ANAPC15: variants seen among roughly 807,000 people sequenced by gnomAD.
ANAPC15 encodes anaphase promoting complex subunit 15.
A neutral mutation model predicts 19.8 loss-of-function variants in ANAPC15; 13 were observed. That is an observed-to-expected ratio of 0.66 (90% confidence interval 0.43 to 1.04). The LOEUF (loss-of-function observed/expected upper bound fraction) is 1.04, where lower values mean the gene tolerates loss of function less well. Among genes scored for constraint, ANAPC15 ranks in the 50% least tolerant of loss-of-function variants. The pLI is 0.00. For missense variants in ANAPC15, 88 were observed against 150.3 expected, an observed-to-expected ratio of 0.59 and a Z score of 2.17; for synonymous variants, 45 against 50.7, an observed-to-expected ratio of 0.89 and a Z score of 0.47.
chr11:72,108,572 C>T (rs901723602), downstream of ANAPC15: 14 of 1,435,148 alleles, frequency 9.8e-6, no homozygotes, highest in Non-Finnish European at 1.3e-5. Context: ...CAATTCCCCC[C>T]ACCCTCACCT....
In ANAPC15 at chr11:72,111,189, GCT is replaced by G; in HGVS notation, c.86_87del (p.Glu29AlafsTer34). On this transcript the variant is annotated frameshift_variant, in exon 3 of 6. Coordinates refer to ENST00000227618, the MANE Select transcript of ANAPC15 (RefSeq NM_014042.3). LOFTEE classifies it high-confidence loss of function. ...TGATGCTGCTGTTCCTGCTGCTGCAGCTCTGTCTCTTCCACACAGGGTCGATC... is the reference window on the plus strand; with the variant it reads ...TGATGCTGCTGTTCCTGCTGCTGCAGCTGTCTCTTCCACACAGGGTCGATC... ...NLDRPCVEET[E>X]LQQQEQQHQA... The G allele has an allele frequency of 6.2e-7, 1 of 1,612,876 alleles. No homozygotes were observed. Among genetic ancestry groups the G allele is most frequent in the East Asian group, 2.2e-5 (1 of 44,886 alleles).
chr11:72,110,079 C>G lies in ANAPC15; in HGVS notation c.318+9G>C. ...GGAACAGAGGCCCTCCCCCATACCC[C>G]TTGCCTACCTCATTGACCTCTCCAT... On this transcript the variant is annotated intron_variant, in intron 5 of 5. Transcript: ENST00000227618. 4 of 1,614,180 alleles carry G rather than the reference C, an allele frequency of 2.5e-6. No homozygotes were observed. Among genetic ancestry groups the G allele is most frequent in the Non-Finnish European group, 3.4e-6 (4 of 1,180,028 alleles).
downstream of ANAPC15, chr11:72,107,798 A>G: frequency 7.8e-6 from 8 of 1,024,592 alleles, no homozygotes; most frequent in Non-Finnish European, 1.0e-5. Context: ...GCTATGGTAC[A>G]AGAGACAGAT....
chr11:72,107,157 C>T, downstream of ANAPC15: 1 of 425,522 alleles, frequency 2.4e-6, no homozygotes, highest in Non-Finnish European at 4.2e-6. Context: ...GTTCCAGCTA[C>T]TGGAAATGCT....
downstream of ANAPC15, chr11:72,108,808 C>T: frequency 6.4e-7 from 1 of 1,550,718 alleles, no homozygotes; most frequent in Non-Finnish European, 8.7e-7. Flanking sequence ...CACCCCGCTT[C>T]TTGCAGTATG....
In ANAPC15 at chr11:72,109,851, A is replaced by C. The variant is rs376501947; in HGVS notation, c.*30T>G. On this transcript the variant is annotated 3_prime_UTR_variant, in exon 6 of 6. Transcript: ENST00000227618. Reference sequence around the variant, plus strand: ...GCAGGGTAGTTTGGGCTGGCCTGGAATCTCCCTGAGGCCACCCTGCCTTGT... The same window carrying C: ...GCAGGGTAGTTTGGGCTGGCCTGGACTCTCCCTGAGGCCACCCTGCCTTGT... 2.5e-6 allele frequency: 4 copies of C among 1,612,204 alleles called. No individual in the cohort carries two copies. The African/African-American group carries it at 5.3e-5, about 22-fold the overall frequency.
chr11:72,106,582 A>C (rs190770810), downstream of ANAPC15: 555 of 168,432 alleles, frequency 3.3e-3, 4 homozygotes, highest in African/African-American at 0.013. Flanking sequence ...AGGCTTCCAC[A>C]TACCATTTAG....
downstream of ANAPC15, chr11:72,107,211 G>T: frequency 1.8e-6 from 1 of 546,798 alleles, no homozygotes; most frequent in South Asian, 2.3e-5. Flanking sequence ...AGGCTGCAGT[G>T]AGCCGTGATC....
chr11:72,106,398 C>T, downstream of ANAPC15: 3 of 609,042 alleles, frequency 4.9e-6, no homozygotes, highest in Non-Finnish European at 5.2e-6. Flanking sequence ...TTATTGCCAC[C>T]TCTTTTGTAT....
Position 72,111,394 on chromosome 11 carries a change from C to A in ANAPC15, c.-11+18G>T, listed in dbSNP as rs939819640. The A allele has an allele frequency of 4.2e-5, 35 of 836,430 alleles. No homozygotes were observed. The African/African-American group carries it at 5.5e-4, about 13-fold the overall frequency. The allele number at this position is 836,430 out of a possible 1,614,324, so 51.8% of individuals were successfully genotyped here. On this transcript the variant is annotated intron_variant, in intron 2 of 5. Coordinates refer to ENST00000227618, the MANE Select transcript of ANAPC15 (RefSeq NM_014042.3). ...AGACAGCAGGAAAGCAGCCCCTCCC[C>A]CTAGGAATCAGACAGACCTGGCTTT...
At chr11:72,109,999 G>A (rs900712356) in intron 5 of ANAPC15, 71 bp from the exon 6 acceptor site, 19 of 1,613,676 alleles carry the variant, frequency 1.2e-5, no homozygotes, top group South Asian at 8.8e-5. Flanking sequence ...GCCCCTGGCT[G>A]GATCCAGGGT....
intron 3 of ANAPC15, 36 bp from the exon 4 acceptor site, chr11:72,110,639 C>T: frequency 6.2e-7 from 1 of 1,613,734 alleles, no homozygotes. Context: ...AGGCCAGAGC[C>T]CAAGTAGGGC....
chr11:72,109,724 C>T lies in ANAPC15; in HGVS notation c.*157G>A. On this transcript the variant is annotated 3_prime_UTR_variant, in exon 6 of 6. Transcript: ENST00000227618. ...TGCAGACTGATGGCCTGGGAGGGGCCAAAGAGACCAGATCCTGGCAGCAGC... is the reference window on the plus strand; with the variant it reads ...TGCAGACTGATGGCCTGGGAGGGGCTAAAGAGACCAGATCCTGGCAGCAGC... 1.2e-6 allele frequency: 1 copy of T among 867,916 alleles called. No individual in the cohort carries two copies. The highest frequency in any genetic ancestry group is 1.6e-5 in the South Asian group (1 of 64,246). 53.8% of individuals were successfully genotyped at this position (867,916 alleles called of 1,614,324 possible). A position where few individuals can be genotyped will look rare whatever the true frequency, so the allele number is the denominator to read the frequency against.
chr11:72,109,406 G>A, downstream of ANAPC15: 1 of 457,564 alleles, frequency 2.2e-6, no homozygotes, highest in South Asian at 1.6e-5. Flanking sequence ...GATGCAAGCT[G>A]GGCCAGAGAA....
At chr11:72,108,020 C>T (rs1232522920), downstream of ANAPC15, 6 of 1,551,692 alleles carry the variant, frequency 3.9e-6, no homozygotes, top group Non-Finnish European at 4.4e-6. Flanking sequence ...TTGCCCGAGC[C>T]CTGCCCCCTG....
chr11:72,108,055 G>A (rs569916333), downstream of ANAPC15: 44 of 1,549,988 alleles, frequency 2.8e-5, no homozygotes, highest in Admixed American at 3.5e-4. Context: ...ACTGTGGAGC[G>A]GGACCCACGC....
chr11:72,108,785 C>T (rs1214973558), downstream of ANAPC15: 15 of 1,550,376 alleles, frequency 9.7e-6, no homozygotes, highest in Admixed American at 2.0e-5. Context: ...TGACCATGTG[C>T]TCTTCCCTGG....
chr11:72,107,951 G>C, downstream of ANAPC15: 3 of 1,551,740 alleles, frequency 1.9e-6, no homozygotes, highest in South Asian at 1.2e-5. Flanking sequence ...TGGTGGAGGA[G>C]AAGGCCCCTG....
chr11:72,109,982 A>C (rs766000783), intron 5 of ANAPC15, 54 bp from the exon 6 acceptor site: 6 of 1,613,940 alleles, frequency 3.7e-6, no homozygotes, highest in Non-Finnish European at 5.1e-6. Context: ...CCTCAGCCCC[A>C]GATCCTGCCC....
Sources: allele counts gnomAD v4.1 joint callset, GRCh38; gene constraint gnomAD v4.1.1; transcripts MANE v1.5; gene names NCBI Gene and HGNC (gene_info 2026-07-23, HGNC 2026-07-21).